Variants in ST7 observed in about 807,000 individuals in gnomAD.
ST7 encodes the protein suppression of tumorigenicity 7.
ST7 carries 28 observed loss-of-function variants against 78.7 expected under a neutral mutation model. That is an observed-to-expected ratio of 0.36 (90% CI 0.26 to 0.49). ST7 has a LOEUF of 0.49. Ranked by LOEUF, ST7 falls within the 20% of genes least tolerant of loss-of-function variation. ST7 has a pLI of 0.99. For missense variants in ST7, 418 were observed against 696.0 expected (o/e 0.60, Z 4.49); for synonymous variants, 247 against 249.6 (o/e 0.99, Z 0.10).
At chr7:116,991,237 A>T (rs1220397279) in intron 1 of ST7, among the ~76,000 whole-genome samples, 1 of 152,184 alleles carries the variant, frequency 6.6e-6, no homozygotes, top group Non-Finnish European at 1.5e-5. Flanking sequence ...ACCCTGACAC[A>T]TGCCTCCTTT....
intron 1 of ST7, among the ~76,000 whole-genome samples, chr7:116,987,312 A>G (rs1794230354): frequency 6.6e-6 from 1 of 152,098 alleles, no homozygotes; most frequent in African/African-American, 2.4e-5. Context: ...ATGAACTGGT[A>G]TATGTTTGAG....
intron 12 of ST7, among the ~76,000 whole-genome samples, chr7:117,197,037 TC>T (rs971681154): frequency 2.0e-5 from 3 of 152,110 alleles, no homozygotes; most frequent in African/African-American, 7.2e-5. Context: ...CTTCCCTCTT[TC>T]CCACCCGCTG....
At chr7:117,087,059 G>A (rs1584615650) in intron 1 of ST7, among the ~76,000 whole-genome samples, 1 of 152,250 alleles carries the variant, frequency 6.6e-6, no homozygotes, top group East Asian at 1.9e-4. Flanking sequence ...CTTTTGCGGG[G>A]CAGATTTTCC....
intron 1 of ST7, among the ~76,000 whole-genome samples, chr7:116,988,389 T>G (rs1182608703): frequency 6.6e-6 from 1 of 152,238 alleles, no homozygotes; most frequent in Non-Finnish European, 1.5e-5. Flanking sequence ...CTGCTTTCTT[T>G]CATTAAACTG....
intron 12 of ST7, among the ~76,000 whole-genome samples, chr7:117,196,891 G>A (rs371529860): frequency 5.9e-5 from 9 of 151,846 alleles, no homozygotes; most frequent in Admixed American, 1.3e-4. Flanking sequence ...GAAGTTTTTC[G>A]CTCCTTTACT....
intron 15 of ST7, 68 bp from the exon 16 acceptor site, chr7:117,229,694 G>A: frequency 2.3e-6 from 3 of 1,277,490 alleles, no homozygotes; most frequent in South Asian, 1.4e-5. Context: ...AGCGTGGGTG[G>A]AGAGGTTTGT....
intron 8 of ST7, among the ~76,000 whole-genome samples, chr7:117,137,783 TAAATA>T (rs1219710987): frequency 6.6e-6 from 1 of 152,196 alleles, no homozygotes; most frequent in African/African-American, 2.4e-5. Context: ...GACATATAAT[TAAATA>T]AAAGATTAAG....
At chr7:116,966,513 A>G (rs1793125009) in intron 1 of ST7, among the ~76,000 whole-genome samples, 1 of 152,042 alleles carries the variant, frequency 6.6e-6, no homozygotes, top group Admixed American at 6.6e-5. Flanking sequence ...GGCCTCCCAA[A>G]GTGCTGGGAT....
At chr7:117,130,386 G>A (rs1469925284) in intron 4 of ST7, 105 bp from the exon 5 acceptor site, 1 of 658,376 alleles carries the variant, frequency 1.5e-6, no homozygotes, top group Non-Finnish European at 2.4e-6. Context: ...AGCTATTTTA[G>A]TATTCAGTTA....
At chr7:117,179,621 T>C (rs183742872) in intron 10 of ST7, among the ~76,000 whole-genome samples, 102 of 152,108 alleles carry the variant, frequency 6.7e-4, no homozygotes, top group African/African-American at 2.2e-3. Context: ...ATTTGGAGAA[T>C]TGTCTGTATC....
At chr7:117,109,379 G>C (rs1398548869) in intron 2 of ST7, among the ~76,000 whole-genome samples, 1 of 152,112 alleles carries the variant, frequency 6.6e-6, no homozygotes, top group Admixed American at 6.6e-5. Flanking sequence ...CGAAATAGGA[G>C]ATATTACAAC....
intron 1 of ST7, among the ~76,000 whole-genome samples, chr7:117,013,913 A>G (rs1168534019): frequency 6.6e-6 from 1 of 152,262 alleles, no homozygotes; most frequent in Admixed American, 6.5e-5. Context: ...TAGAATTTGT[A>G]GAATTTGTAT....
intron 1 of ST7, among the ~76,000 whole-genome samples, chr7:117,004,533 T>C (rs1192628625): frequency 3.3e-5 from 5 of 152,118 alleles, no homozygotes; most frequent in African/African-American, 1.2e-4. Context: ...TGGTGGCAGA[T>C]GCCTGTAGTC....
intron 1 of ST7, among the ~76,000 whole-genome samples, chr7:117,009,082 A>G (rs530501901): frequency 6.6e-6 from 1 of 152,262 alleles, no homozygotes; most frequent in African/African-American, 2.4e-5. Flanking sequence ...CACAAAATCT[A>G]AACTGTTTAC....
At chr7:117,046,574 C>T (rs75389385) in intron 1 of ST7, among the ~76,000 whole-genome samples, 2,668 of 152,146 alleles carry the variant, frequency 0.018, 89 homozygotes, top group African/African-American at 0.061. Flanking sequence ...CACTGTGTTC[C>T]AGTTAGTCTA....
At chr7:117,001,087 T>C (rs1490808985) in intron 1 of ST7, among the ~76,000 whole-genome samples, 1 of 152,196 alleles carries the variant, frequency 6.6e-6, no homozygotes, top group African/African-American at 2.4e-5. Context: ...GACATTTGTT[T>C]TGAGCAGCAG....
intron 1 of ST7, among the ~76,000 whole-genome samples, chr7:117,069,491 G>A (rs1798814013): frequency 6.6e-6 from 1 of 152,146 alleles, no homozygotes; most frequent in African/African-American, 2.4e-5. Flanking sequence ...TTCCAAATAG[G>A]AGCTTGATAC....
chr7:117,001,227 A>G (rs1395613156), intron 1 of ST7, among the ~76,000 whole-genome samples: 1 of 152,240 alleles, frequency 6.6e-6, no homozygotes. Flanking sequence ...CCTAAGTAGT[A>G]TTCGCCTGCC....
At chr7:117,110,091 A>C (rs753979184) in intron 2 of ST7, among the ~76,000 whole-genome samples, 8 of 152,214 alleles carry the variant, frequency 5.3e-5, no homozygotes, top group Admixed American at 3.3e-4. Context: ...TGCCCCAAAC[A>C]TGGCAATCTT....
Sources: gnomAD v4.1 joint callset for allele counts (sites outside exome capture counted in the v4.1 genomes callset) on GRCh38, gnomAD v4.1.1 for gene constraint, MANE v1.5 for transcripts, NCBI Gene and HGNC (gene_info 2026-07-23, HGNC 2026-07-21) for gene names.